Variants in MELK observed in about 807,000 individuals in gnomAD.
The protein encoded by MELK is maternal embryonic leucine zipper kinase, also known as pEg3 kinase.
Under a neutral mutation model 85.0 loss-of-function variants are expected in MELK, and 81 were observed. That is an observed-to-expected ratio of 0.95 (90% CI 0.80 to 1.15). The LOEUF (loss-of-function observed/expected upper bound fraction) is 1.15, where lower values mean the gene tolerates loss of function less well. MELK is among the 50% of genes most tolerant of loss of function. The probability of loss-of-function intolerance (pLI) is 0.00; values close to 1 mark genes in which losing one functional copy is unlikely to be tolerated. For synonymous variants in MELK, 252 were observed against 265.0 expected, an observed-to-expected ratio of 0.95 and a Z score of 0.48; for missense variants, 754 against 777.5, an observed-to-expected ratio of 0.97 and a Z score of 0.36.
chr9:36,669,369 G>T lies in MELK; in HGVS notation c.1468G>T (p.Asp490Tyr). 6.2e-7 allele frequency: 1 copy of T among 1,608,198 alleles called. No individual in the cohort carries two copies. The highest frequency in any genetic ancestry group is 8.5e-7 in the Non-Finnish European group (1 of 1,177,908). The change falls in exon 15 of 18, where the codon GAC (aspartate) becomes TAC (tyrosine). Residue 490 changes from aspartate (D) to tyrosine (Y), a missense_variant. By Grantham distance (160) the Asp-to-Tyr change is radical. Coordinates refer to ENST00000298048, the MANE Select transcript of MELK (RefSeq NM_014791.4). ...AATACCAGTAAATTCAACAGGAACA[G>T]ACAAGTTAATGACAGGTGTCATTAG... The part of the protein sequence containing the change: ...IKIPVNSTGT[D>Y]KLMTGVISPE...
At chr9:36,675,156 A>G (rs7865022) in intron 17 of MELK, among the ~76,000 whole-genome samples, 130,286 of 152,156 alleles carry the variant, frequency 0.86, 56,096 homozygotes, top group Admixed American at 0.9. Context: ...GCATGGTGGC[A>G]CATGCCTGTA....
chr9:36,585,247 G>A (rs1323966088), intron 3 of MELK, among the ~76,000 whole-genome samples: 2 of 149,122 alleles, frequency 1.3e-5, no homozygotes, highest in African/African-American at 5.0e-5. Context: ...ACCCATTCCA[G>A]TGTTTGAAGT....
chr9:36,577,369 C>T (rs778398608), intron 1 of MELK, among the ~76,000 whole-genome samples: 19 of 152,174 alleles, frequency 1.2e-4, no homozygotes, highest in Middle Eastern at 3.4e-3. Flanking sequence ...AAAAATTAGC[C>T]GGGTATGGTG....
rs571119527 is a variant in MELK at position 36,631,579 on chromosome 9, T to A, written c.735+1212T>A. ...CCGCACCCAGCCTGGCCTCTTTTTT[T>A]AAAAAAAAATTTTATAGACAGGGTT... On this transcript the variant is annotated intron_variant, in intron 9 of 17. Coordinates refer to ENST00000298048, the MANE Select transcript of MELK (RefSeq NM_014791.4). Among the ~76,000 whole-genome samples the A allele has an allele frequency of 9.9e-5, 15 of 151,208 alleles. No individual in the cohort carries two copies. In the South Asian group the frequency reaches 1.5e-3, roughly 15 times the overall value.
At position 36,629,851 on chromosome 9, in the gene MELK, T is replaced by G. The variant is rs1046211761; in HGVS notation, c.667-448T>G. Among the ~76,000 whole-genome samples the G allele has an allele frequency of 1.2e-4, 18 of 148,792 alleles. No individual in the cohort carries two copies. The South Asian group carries it at 1.5e-3, about 13-fold the overall frequency. ...CTTTAAGGCAAGAAATTGTTTTTTTTTTTTTTTTTTTGTGATGGAGTCTCG... is the reference window on the plus strand; with the variant it reads ...CTTTAAGGCAAGAAATTGTTTTTTTGTTTTTTTTTTTGTGATGGAGTCTCG... On this transcript the variant is annotated intron_variant, in intron 8 of 17. Coordinates refer to ENST00000298048, the MANE Select transcript of MELK (RefSeq NM_014791.4).
Position 36,677,556 on chromosome 9 carries a change from C to A in MELK, c.*219C>A. 1 of 382,236 alleles carries A rather than the reference C, an allele frequency of 2.6e-6. No individual in the cohort carries two copies. Among genetic ancestry groups the A allele is most frequent in the Non-Finnish European group, 4.6e-6 (1 of 218,428 alleles). 23.7% of individuals were successfully genotyped at this position (382,236 alleles called of 1,614,324 possible). Reference sequence around the variant, plus strand: ...TCATTATGTTACTGTCTTTTTTAATCATGTGGTTTTGTATATTAATAATTG... The same window carrying A: ...TCATTATGTTACTGTCTTTTTTAATAATGTGGTTTTGTATATTAATAATTG... On this transcript the variant is annotated 3_prime_UTR_variant, in exon 18 of 18. Coordinates refer to ENST00000298048, the MANE Select transcript of MELK (RefSeq NM_014791.4).
At chr9:36,663,890 C>T (rs1417928798) in intron 13 of MELK, among the ~76,000 whole-genome samples, 1 of 152,018 alleles carries the variant, frequency 6.6e-6, no homozygotes, top group African/African-American at 2.4e-5. Context: ...GATTTCTTTT[C>T]CTTTGGGAAA....
chr9:36,650,220 G>A (rs979200490), intron 11 of MELK, among the ~76,000 whole-genome samples: 2 of 151,632 alleles, frequency 1.3e-5, no homozygotes, highest in Non-Finnish European at 2.9e-5. Context: ...TGGGATTACA[G>A]GGGTGAGCCA....
intron 13 of MELK, among the ~76,000 whole-genome samples, chr9:36,658,927 G>A (rs1488947699): frequency 6.8e-6 from 1 of 147,394 alleles, no homozygotes; most frequent in Non-Finnish European, 1.5e-5. Flanking sequence ...TGTCACCCAG[G>A]CTGGACTGCA....
intron 8 of MELK, among the ~76,000 whole-genome samples, chr9:36,609,092 G>A (rs1825843485): frequency 6.6e-6 from 1 of 152,068 alleles, no homozygotes; most frequent in African/African-American, 2.4e-5. Context: ...CTATATATCA[G>A]AGACAGAGAG....
chr9:36,651,881 A>C lies in MELK; in HGVS notation c.1053+4A>C. ...TACCCCATTCACAGACATCAAGGTA[A>C]GTGTTACTGCCTGTTGTGTCTTGCC... On this transcript the variant is annotated splice_donor_region_variant and intron_variant, in intron 12 of 17. Transcript: ENST00000298048. The C allele has an allele frequency of 1.2e-6, 2 of 1,612,870 alleles. No individual in the cohort carries two copies. The highest frequency in any genetic ancestry group is 2.2e-5 in the South Asian group (2 of 90,830).
In MELK at chr9:36,643,020, C is replaced by A; in HGVS notation, c.858C>A (p.Cys286Ter). The A allele has an allele frequency of 1.9e-6, 3 of 1,610,296 alleles. No individual in the cohort carries two copies. The highest frequency in any genetic ancestry group is 2.5e-6 in the Non-Finnish European group (3 of 1,178,660). The change falls in exon 11 of 18, where the codon TGC becomes TGA. Residue 286 changes from cysteine to a stop codon, truncating the protein, a stop_gained. Coordinates refer to ENST00000298048, the MANE Select transcript of MELK (RefSeq NM_014791.4). LOFTEE classifies it high-confidence loss of function. The part of the protein sequence containing the change: ...KNPFIHLDDD[C>*]VTELSVHHRN... ...AGTTTATTCACCTCGATGATGATTGCGTAACAGAACTTTCTGTACATCACA... is the reference window on the plus strand; with the variant it reads ...AGTTTATTCACCTCGATGATGATTGAGTAACAGAACTTTCTGTACATCACA...
At chr9:36,646,503 G>T (rs1830226622) in intron 11 of MELK, among the ~76,000 whole-genome samples, 1 of 152,184 alleles carries the variant, frequency 6.6e-6, no homozygotes, top group Admixed American at 6.5e-5. Flanking sequence ...CTATGCAGCG[G>T]TGAGCCTCCT....
At chr9:36,597,336 T>C (rs1824399963) in intron 6 of MELK, 46 bp downstream of exon 6, 1 of 1,507,156 alleles carries the variant, frequency 6.6e-7, no homozygotes. Flanking sequence ...TAAATGCATT[T>C]ATTTCTTAGT....
chr9:36,612,007 G>A (rs1048006078), intron 8 of MELK, among the ~76,000 whole-genome samples: 2 of 151,856 alleles, frequency 1.3e-5, no homozygotes, highest in African/African-American at 4.8e-5. Flanking sequence ...TCCTCACCTC[G>A]TGATCTGCGC....
intron 5 of MELK, among the ~76,000 whole-genome samples, chr9:36,596,845 C>G (rs1824339208): frequency 6.6e-6 from 1 of 152,142 alleles, no homozygotes; most frequent in Non-Finnish European, 1.5e-5. Flanking sequence ...CTCAGCCTCC[C>G]AAAGTGCTGG....
At chr9:36,628,299 C>G (rs1828136021) in intron 8 of MELK, among the ~76,000 whole-genome samples, 1 of 152,214 alleles carries the variant, frequency 6.6e-6, no homozygotes, top group Non-Finnish European at 1.5e-5. Context: ...GGCTCCATGC[C>G]TATCCCTGGG....
At position 36,608,002 on chromosome 9, in the gene MELK, C is replaced by T. The variant is rs142413148; in HGVS notation, c.666+329C>T. ...TTGAGAGAAAGAGGCACATTCAGGC[C>T]GGGCGCGGTGGCTCACGCCTGTAAT... is the stretch of plus-strand genomic sequence containing the variant. On this transcript the variant is annotated intron_variant, in intron 8 of 17. Coordinates refer to ENST00000298048, the MANE Select transcript of MELK (RefSeq NM_014791.4). Among the ~76,000 whole-genome samples the T allele has an allele frequency of 2.1e-3, 322 of 152,110 alleles. 1 individual carries two copies. Among genetic ancestry groups the T allele is most frequent in the African/African-American group, 6.8e-3 (284 of 41,512 alleles).
At chr9:36,577,842 G>A (rs187831315) in intron 1 of MELK, among the ~76,000 whole-genome samples, 4 of 151,660 alleles carry the variant, frequency 2.6e-5, no homozygotes, top group Non-Finnish European at 4.4e-5. Flanking sequence ...TAGTAGAGAC[G>A]GGGTTTCTCC....
Sources: allele counts gnomAD v4.1 joint callset (sites outside exome capture counted in the v4.1 genomes callset), GRCh38; gene constraint gnomAD v4.1.1; transcripts MANE v1.5; gene names NCBI Gene and HGNC (gene_info 2026-07-23, HGNC 2026-07-21).